Variants in PLEKHM3 observed in about 807,000 individuals in gnomAD.
PLEKHM3 encodes pleckstrin homology domain-containing family M member 3.
PLEKHM3 carries 45 observed loss-of-function variants against 81.8 expected under a neutral mutation model. The ratio of observed to expected loss-of-function variants is 0.55; its 90% confidence interval spans 0.43 to 0.71. The LOEUF (loss-of-function observed/expected upper bound fraction) is 0.71. Among genes scored for constraint, PLEKHM3 ranks in the 30% least tolerant of loss-of-function variants. The pLI is 0.00. For missense variants in PLEKHM3, 788 were observed against 924.3 expected (o/e 0.85, Z 1.91); for synonymous variants, 352 against 356.4 (o/e 0.99, Z 0.14).
intron 5 of PLEKHM3, among the ~76,000 whole-genome samples, chr2:207,917,550 T>C (rs1037650528): frequency 6.6e-6 from 1 of 151,926 alleles, no homozygotes; most frequent in African/African-American, 2.4e-5. Context: ...CTTTAAGAGT[T>C]AGGCTGCCCT....
intron 3 of PLEKHM3, among the ~76,000 whole-genome samples, chr2:207,969,002 C>G (rs1291860776): frequency 1.3e-5 from 2 of 152,138 alleles, no homozygotes; most frequent in Admixed American, 1.3e-4. Flanking sequence ...CTTATTACTT[C>G]TAAGTGGGAG....
Position 207,976,715 on chromosome 2 carries a change from G to A in PLEKHM3, c.1482C>T (p.Phe494=). 6.2e-7 allele frequency: 1 copy of A among 1,614,218 alleles called. No homozygotes were observed. Among genetic ancestry groups the A allele is most frequent in the Non-Finnish European group, 8.5e-7 (1 of 1,180,038 alleles). Residue 494 remains phenylalanine, a synonymous_variant, in exon 3 of 8, where the codon TTC becomes TTT. Coordinates refer to ENST00000427836, the MANE Select transcript of PLEKHM3 (RefSeq NM_001080475.3). This position sits in a 1 kb window ranked among gnomAD's most constrained non-coding sequence, Gnocchi z 4.1. ...AAGACAAAGTCGTCAAAATGCTCAG[G>A]AAGCTGGTAGTCACAGATTGGCGTT... is the stretch of plus-strand genomic sequence containing the variant. ...KNKRQSVTTS[F]LSILTTLSLE...
intron 1 of PLEKHM3, among the ~76,000 whole-genome samples, chr2:208,016,077 G>A (rs1472699135): frequency 2.0e-5 from 3 of 152,030 alleles, no homozygotes; most frequent in South Asian, 2.1e-4. Flanking sequence ...GCCTGTAATC[G>A]CAGCTACTCG....
At chr2:207,854,756 A>T (rs937834296) in intron 7 of PLEKHM3, among the ~76,000 whole-genome samples, 1 of 152,192 alleles carries the variant, frequency 6.6e-6, no homozygotes, top group African/African-American at 2.4e-5. Context: ...ACTGCATCTG[A>T]TCAAGGAAGA....
intron 3 of PLEKHM3, among the ~76,000 whole-genome samples, chr2:207,959,811 A>C (rs2105995085): frequency 6.6e-6 from 1 of 152,342 alleles, no homozygotes; most frequent in African/African-American, 2.4e-5. Flanking sequence ...TCTCAAAGTG[A>C]AAAAGATTAC....
At position 207,858,182 on chromosome 2, in the gene PLEKHM3, T is replaced by TATA. The variant is rs61059149; in HGVS notation, c.2108+2922_2108+2923insTAT. 7.3e-4 allele frequency among the ~76,000 whole-genome samples: 92 copies of TATA among 125,668 alleles called. 2 individuals carry two copies. The highest frequency in any genetic ancestry group is 2.4e-3 in the African/African-American group (72 of 29,632). The allele number at this position is 125,668 out of a possible 152,430, so 82.4% of individuals were successfully genotyped here. The stretch of plus-strand genomic sequence containing the variant: ...TGTGTGTGTGTGTGTGTGTATATAT[T>TATA]TTTTTTTTTGAGATGAAGTCTCACT... On this transcript the variant is annotated intron_variant, in intron 7 of 7. Coordinates refer to ENST00000427836, the MANE Select transcript of PLEKHM3 (RefSeq NM_001080475.3).
intron 3 of PLEKHM3, among the ~76,000 whole-genome samples, chr2:207,969,269 T>C (rs564780692): frequency 1.3e-5 from 2 of 152,350 alleles, no homozygotes; most frequent in Admixed American, 6.5e-5. Flanking sequence ...TCATAAGAAG[T>C]TCCCAAATTC....
chr2:208,001,309 G>C lies in PLEKHM3; in HGVS notation c.331C>G (p.Gln111Glu). ...AAATTAAAGGTTGATGCTTCCTTTT[G>C]TTCCATCCAGGAAAGATTATCTGGG... ...TTPDNLSWMEQKEASTFNFFN... is the reference protein window; with the variant it reads ...TTPDNLSWMEEKEASTFNFFN... Residue 111 changes from glutamine to glutamate, a missense_variant, in exon 2 of 8, where the codon CAA becomes GAA. Transcript: ENST00000427836. 1 of 1,614,204 alleles carries C rather than the reference G, an allele frequency of 6.2e-7. No homozygotes were observed. The highest frequency in any genetic ancestry group is 8.5e-7 in the Non-Finnish European group (1 of 1,180,034).
At chr2:207,892,720 T>C (rs1688098836) in intron 6 of PLEKHM3, among the ~76,000 whole-genome samples, 1 of 152,072 alleles carries the variant, frequency 6.6e-6, no homozygotes, top group African/African-American at 2.4e-5. Context: ...ACTCATTGCT[T>C]AAAGTGTGCT....
chr2:208,003,867 A>G (rs192769253), intron 1 of PLEKHM3, among the ~76,000 whole-genome samples: 3 of 152,322 alleles, frequency 2.0e-5, no homozygotes, highest in Admixed American at 1.3e-4. Context: ...TCCTTACTAA[A>G]AACTGAAATG....
intron 1 of PLEKHM3, among the ~76,000 whole-genome samples, chr2:208,023,687 T>A (rs771457253): frequency 2.6e-5 from 4 of 151,976 alleles, no homozygotes; most frequent in Non-Finnish European, 4.4e-5. Context: ...ATCCCGTAAC[T>A]ATCACCCCCC....
At chr2:207,987,919 C>T (rs1348347875) in intron 2 of PLEKHM3, among the ~76,000 whole-genome samples, 1 of 152,196 alleles carries the variant, frequency 6.6e-6, no homozygotes, top group Non-Finnish European at 1.5e-5. Flanking sequence ...TTTTCTCTTA[C>T]TTCTCCGATT....
intron 7 of PLEKHM3, among the ~76,000 whole-genome samples, chr2:207,832,167 T>C (rs1559199120): frequency 6.6e-6 from 1 of 151,702 alleles, no homozygotes; most frequent in African/African-American, 2.4e-5. Context: ...AAGCATGAGA[T>C]AAAAAAAAAT....
chr2:207,908,184 T>C (rs1401953685), intron 6 of PLEKHM3, among the ~76,000 whole-genome samples: 1 of 152,212 alleles, frequency 6.6e-6, no homozygotes, highest in African/African-American at 2.4e-5. Flanking sequence ...ACATATGTTT[T>C]CAACTCTCTT....
intron 2 of PLEKHM3, among the ~76,000 whole-genome samples, chr2:207,990,258 T>C (rs1200121163): frequency 6.6e-6 from 1 of 152,224 alleles, no homozygotes; most frequent in African/African-American, 2.4e-5. Flanking sequence ...TCTATTCATA[T>C]GGCTTTGAAG....
At chr2:207,957,465 G>A (rs1041333977) in intron 3 of PLEKHM3, among the ~76,000 whole-genome samples, 22 of 152,196 alleles carry the variant, frequency 1.4e-4, no homozygotes, top group Non-Finnish European at 2.8e-4. Flanking sequence ...TTGGGAGGCC[G>A]AGGCGGGTGG....
chr2:207,854,626 T>A (rs181656695), intron 7 of PLEKHM3, among the ~76,000 whole-genome samples: 54 of 152,322 alleles, frequency 3.5e-4, no homozygotes, highest in Non-Finnish European at 4.4e-5. Flanking sequence ...ACTCTTGGTG[T>A]TTAACTGGAA....
At chr2:207,877,120 T>A (rs1277028751) in intron 6 of PLEKHM3, among the ~76,000 whole-genome samples, 1 of 152,204 alleles carries the variant, frequency 6.6e-6, no homozygotes, top group Non-Finnish European at 1.5e-5. Context: ...GGTTTTGCAA[T>A]AGGAGGGCAT....
Position 207,896,047 on chromosome 2 carries a change from A to G in PLEKHM3, c.1950+12467T>C, listed in dbSNP as rs751818754. On this transcript the variant is annotated intron_variant, in intron 6 of 7. Coordinates refer to ENST00000427836, the MANE Select transcript of PLEKHM3 (RefSeq NM_001080475.3). Reference sequence around the variant, plus strand: ...TCATTCCAGGTTCCTTGCTGCACCCAGAAGCCTGGATACTTCGTGCAAACT... The same window carrying G: ...TCATTCCAGGTTCCTTGCTGCACCCGGAAGCCTGGATACTTCGTGCAAACT... 1.8e-4 allele frequency among the ~76,000 whole-genome samples: 27 copies of G among 152,234 alleles called. No individual in the cohort carries two copies. The South Asian group carries it at 2.1e-3, about 12-fold the overall frequency.
Sources: allele counts gnomAD v4.1 joint callset (sites outside exome capture counted in the v4.1 genomes callset), GRCh38; gene constraint gnomAD v4.1.1; non-coding constraint Gnocchi (gnomAD v3.1); transcripts MANE v1.5; gene names NCBI Gene and HGNC (gene_info 2026-07-23, HGNC 2026-07-21).